C1orf185: variants seen among roughly 807,000 people sequenced by gnomAD.
C1orf185 encodes the protein uncharacterized protein C1orf185.
In C1orf185, 13 loss-of-function variants were observed where a neutral mutation model predicts 16.1. That is an observed-to-expected ratio of 0.81 (90% CI 0.53 to 1.28). The LOEUF (loss-of-function observed/expected upper bound fraction) is 1.28, where lower values mean the gene tolerates loss of function less well. C1orf185 is among the 50% of genes most tolerant of loss of function. The pLI is 0.00. For synonymous variants in C1orf185, 80 were observed against 76.9 expected (o/e 1.04, Z -0.21); for missense variants, 220 against 225.2 (o/e 0.98, Z 0.15).
chr1:51,112,963 G>A (rs868668606), intron 2 of C1orf185, among the ~76,000 whole-genome samples: 38 of 152,048 alleles, frequency 2.5e-4, no homozygotes, highest in Admixed American at 1.1e-3. Context: ...GGGATTACAG[G>A]TTCGCACCAC....
intron 3 of C1orf185, among the ~76,000 whole-genome samples, chr1:51,137,444 C>G (rs1646333477): frequency 6.6e-6 from 1 of 151,900 alleles, no homozygotes; most frequent in African/African-American, 2.4e-5. Context: ...TGAGGCAGGA[C>G]AATCACTTGA....
chr1:51,124,362 G>A (rs546837210), intron 3 of C1orf185, among the ~76,000 whole-genome samples: 7 of 152,288 alleles, frequency 4.6e-5, no homozygotes, highest in Admixed American at 1.3e-4. Flanking sequence ...GATTATAGGC[G>A]TGAGCCACTG....
chr1:51,126,718 T>C (rs1233357580), intron 3 of C1orf185, among the ~76,000 whole-genome samples: 1 of 152,240 alleles, frequency 6.6e-6, no homozygotes, highest in African/African-American at 2.4e-5. Flanking sequence ...AATCTTAAGT[T>C]ACCATAGTAT....
intron 1 of C1orf185, among the ~76,000 whole-genome samples, chr1:51,105,772 T>A (rs749531485): frequency 6.6e-6 from 1 of 152,206 alleles, no homozygotes; most frequent in Non-Finnish European, 1.5e-5. Flanking sequence ...GTAAAAATAC[T>A]ATCTTTGTAT....
chr1:51,118,564 T>C (rs1316230652), intron 2 of C1orf185, 102 bp from the exon 3 acceptor site: 2 of 732,342 alleles, frequency 2.7e-6, no homozygotes, highest in Admixed American at 7.9e-5. Context: ...AATGTATTTA[T>C]TCTGATTTTA....
Position 51,132,543 on chromosome 1 carries a change from AAAAAAGAATG to A in C1orf185, c.259-13168_259-13159del, listed in dbSNP as rs1646293631. Reference sequence around the variant, plus strand: ...ATTAGATAGTCAAACAAGAATAGAGAAAAAAGAATGAAAAAGAATGAATAAAACTTCTGAG... The same window carrying A: ...ATTAGATAGTCAAACAAGAATAGAGAAAAAAGAATGAATAAAACTTCTGAG... On this transcript the variant is annotated intron_variant, in intron 3 of 4. Transcript: ENST00000371759. 3.3e-5 allele frequency among the ~76,000 whole-genome samples: 5 copies of A among 152,208 alleles called. No homozygotes were observed. The South Asian group carries it at 1.0e-3, about 32-fold the overall frequency.
chr1:51,118,488 A>G (rs1381624295), intron 2 of C1orf185, among the ~76,000 whole-genome samples, 178 bp from the exon 3 acceptor site: 1 of 152,208 alleles, frequency 6.6e-6, no homozygotes, highest in Non-Finnish European at 1.5e-5. Flanking sequence ...AATAGATGTA[A>G]TGAAATCTAA....
intron 3 of C1orf185, among the ~76,000 whole-genome samples, chr1:51,123,820 C>T (rs77782444): frequency 1.3e-5 from 2 of 151,494 alleles, no homozygotes; most frequent in Non-Finnish European, 2.9e-5. Context: ...GGTGTCTGTT[C>T]GATCTTTCAT....
intron 1 of C1orf185, among the ~76,000 whole-genome samples, chr1:51,108,907 A>ATTTCC (rs1173984983): frequency 2.0e-5 from 3 of 152,136 alleles, no homozygotes; most frequent in African/African-American, 7.2e-5. Context: ...TAGTATACTG[A>ATTTCC]TTTCCTTTCC....
intron 4 of C1orf185, among the ~76,000 whole-genome samples, chr1:51,146,005 A>G (rs1001033300): frequency 2.0e-5 from 3 of 152,224 alleles, no homozygotes; most frequent in Admixed American, 6.5e-5. Flanking sequence ...ACTCAAAGGT[A>G]TCATAGTCAA....
chr1:51,122,459 T>A (rs1646204576), intron 3 of C1orf185, among the ~76,000 whole-genome samples: 3 of 152,202 alleles, frequency 2.0e-5, no homozygotes. Flanking sequence ...CAAGCCATTG[T>A]AGATTCATAG....
At position 51,106,282 on chromosome 1, in the gene C1orf185, GA is replaced by G. The variant is rs1207460084; in HGVS notation, c.16+4037del. 2.0e-5 allele frequency among the ~76,000 whole-genome samples: 3 copies of G among 152,130 alleles called. No individual in the cohort carries two copies. In the East Asian group the frequency reaches 5.8e-4, roughly 29 times the overall value. Reference sequence around the variant, plus strand: ...TTTGATATATAGAAAGGTCTAGAGTGAAAATTGTACCTATAAGCCCTTACCC... The same window carrying G: ...TTTGATATATAGAAAGGTCTAGAGTGAAATTGTACCTATAAGCCCTTACCC... On this transcript the variant is annotated intron_variant, in intron 1 of 4. Coordinates refer to ENST00000371759, the MANE Select transcript of C1orf185 (RefSeq NM_001136508.2).
intron 2 of C1orf185, among the ~76,000 whole-genome samples, chr1:51,117,311 C>CATT (rs536750372): frequency 2.3e-3 from 344 of 152,134 alleles, no homozygotes; most frequent in Non-Finnish European, 3.9e-3. Flanking sequence ...TGGCAATGAG[C>CATT]ATTATTATTA....
At chr1:51,138,255 T>C (rs140776503) in intron 3 of C1orf185, among the ~76,000 whole-genome samples, 5 of 152,354 alleles carry the variant, frequency 3.3e-5, no homozygotes, top group Non-Finnish European at 5.9e-5. Context: ...TTTATGTTTG[T>C]ACATTACTTA....
chr1:51,119,965 A>G (rs972464294), intron 3 of C1orf185, among the ~76,000 whole-genome samples: 5 of 152,156 alleles, frequency 3.3e-5, no homozygotes, highest in Non-Finnish European at 5.9e-5. Flanking sequence ...AGAGCTCACA[A>G]AGTTGAAGAA....
At chr1:51,111,413 C>T (rs1377042436) in intron 1 of C1orf185, among the ~76,000 whole-genome samples, 1 of 119,152 alleles carries the variant, frequency 8.4e-6, no homozygotes, top group Non-Finnish European at 1.7e-5. Context: ...TGCTTTGTTG[C>T]CCAGGCTAGA....
rs966442307 is a variant in C1orf185, at chr1:51,110,662, G to A, written c.17-1802G>A. On this transcript the variant is annotated intron_variant, in intron 1 of 4. Coordinates refer to ENST00000371759, the MANE Select transcript of C1orf185 (RefSeq NM_001136508.2). ...TGTCTTAAGGTTCAAGTTCTATAAA[G>A]CCTCCTATGAAAGCTTTCTTTCTCG... 2.6e-5 allele frequency among the ~76,000 whole-genome samples: 4 copies of A among 152,012 alleles called. No homozygotes were observed. In the East Asian group the frequency reaches 7.7e-4, roughly 29 times the overall value.
chr1:51,104,938 A>G (rs188115683), intron 1 of C1orf185, among the ~76,000 whole-genome samples: 26 of 151,798 alleles, frequency 1.7e-4, no homozygotes, highest in African/African-American at 6.3e-4. Flanking sequence ...TGTATGCTCC[A>G]TAATCGTGTG....
intron 2 of C1orf185, among the ~76,000 whole-genome samples, chr1:51,113,530 A>G (rs762608115): frequency 1.8e-4 from 27 of 152,074 alleles, no homozygotes; most frequent in African/African-American, 6.5e-4. Flanking sequence ...CTAACGATAA[A>G]CAAAGTTAGC....
Sources: allele counts gnomAD v4.1 joint callset (sites outside exome capture counted in the v4.1 genomes callset), GRCh38; gene constraint gnomAD v4.1.1; transcripts MANE v1.5; gene names NCBI Gene and HGNC (gene_info 2026-07-23, HGNC 2026-07-21).